Variants in ADAMTSL1 observed in about 807,000 individuals in gnomAD.
The protein encoded by ADAMTSL1 is ADAMTS like 1.
In ADAMTSL1, 126 loss-of-function variants were observed where a neutral mutation model predicts 201.8. The observed-to-expected ratio is 0.62, with a 90% confidence interval of 0.54 to 0.72. ADAMTSL1 has a LOEUF of 0.72. Among genes scored for constraint, ADAMTSL1 ranks in the 30% least tolerant of loss-of-function variants. The pLI, the probability that ADAMTSL1 is intolerant of heterozygous loss-of-function variation, is 0.00. For missense variants in ADAMTSL1, 2,679 were observed against 2,277.8 expected, an observed-to-expected ratio of 1.18 and a Z score of -3.59; for synonymous variants, 1,121 against 903.4, an observed-to-expected ratio of 1.24 and a Z score of -4.32.
intron 2 of ADAMTSL1, among the ~76,000 whole-genome samples, chr9:18,249,666 C>A (rs976033491): frequency 6.6e-6 from 1 of 152,148 alleles, no homozygotes; most frequent in Non-Finnish European, 1.5e-5. Flanking sequence ...ATTGCTAAGG[C>A]CCTGTGAATC....
chr9:18,328,822 G>C (rs1834925791), intron 2 of ADAMTSL1, among the ~76,000 whole-genome samples: 1 of 152,174 alleles, frequency 6.6e-6, no homozygotes, highest in Non-Finnish European at 1.5e-5. Flanking sequence ...ACTGACCCTG[G>C]AGGATACAGA....
chr9:18,817,006 G>T, intron 20 of ADAMTSL1, 103 bp from the exon 21 acceptor site: 1 of 1,439,114 alleles, frequency 6.9e-7, no homozygotes, highest in Non-Finnish European at 9.3e-7. Flanking sequence ...GCAAAAGTCT[G>T]GGTAGACCAG....
rs139250681 is a variant in ADAMTSL1 at position 17,909,851 on chromosome 9, G to A, written c.87+2929G>A. On this transcript the variant is annotated intron_variant, in intron 1 of 29. Coordinates refer to the ADAMTSL1 transcript ENST00000680146. The stretch of plus-strand genomic sequence containing the variant: ...TGTTGTGGGGTGGGGGGACCGGGGA[G>A]GGATAGCATTGGGAGATATACCTAA... 0.031 allele frequency among the ~76,000 whole-genome samples: 2,072 copies of A among 67,662 alleles called. 912 individuals are homozygous for A. In the East Asian group the frequency reaches 0.79, roughly 26 times the overall value. The allele number at this position is 67,662 out of a possible 152,430, so 44.4% of individuals were successfully genotyped here. A position where few individuals can be genotyped will look rare whatever the true frequency, so the allele number is the denominator to read the frequency against.
chr9:18,180,029 TA>T (rs1563789769), intron 2 of ADAMTSL1, among the ~76,000 whole-genome samples: 1 of 151,424 alleles, frequency 6.6e-6, no homozygotes, highest in Non-Finnish European at 1.5e-5. Flanking sequence ...ATAACAATAT[TA>T]ACTTTAAATA....
chr9:18,100,040 C>T (rs2131844585), intron 1 of ADAMTSL1, among the ~76,000 whole-genome samples: 1 of 152,224 alleles, frequency 6.6e-6, no homozygotes, highest in Middle Eastern at 3.4e-3. Flanking sequence ...GCAGTCACTT[C>T]ATTTCTGAGT....
intron 1 of ADAMTSL1, among the ~76,000 whole-genome samples, chr9:17,908,774 T>C (rs1397804657): frequency 6.6e-6 from 1 of 152,190 alleles, no homozygotes; most frequent in African/African-American, 2.4e-5. Context: ...ACTTGTTTTA[T>C]AGAATCATGG....
At chr9:17,945,536 A>T (rs1827425978) in intron 1 of ADAMTSL1, among the ~76,000 whole-genome samples, 1 of 152,026 alleles carries the variant, frequency 6.6e-6, no homozygotes, top group African/African-American at 2.4e-5. Context: ...TTGCGGCATT[A>T]TTCACAACAG....
chr9:18,423,628 G>A (rs1819063928), intron 2 of ADAMTSL1, among the ~76,000 whole-genome samples: 1 of 152,160 alleles, frequency 6.6e-6, no homozygotes, highest in Non-Finnish European at 1.5e-5. Flanking sequence ...GAAACATAAA[G>A]AAAGCAACAT....
intron 2 of ADAMTSL1, among the ~76,000 whole-genome samples, chr9:18,361,754 G>A (rs181515005): frequency 2.0e-5 from 3 of 152,290 alleles, no homozygotes; most frequent in Non-Finnish European, 2.9e-5. Flanking sequence ...AAAATCTCCG[G>A]AGACTTTGTA....
intron 1 of ADAMTSL1, among the ~76,000 whole-genome samples, chr9:17,986,854 C>G (rs949705109): frequency 2.0e-5 from 3 of 152,068 alleles, no homozygotes; most frequent in Non-Finnish European, 2.9e-5. Flanking sequence ...CTCCATTTGA[C>G]ACTAGCACAG....
At chr9:18,487,007 TGAAA>T (rs1326622446) in intron 1 of ADAMTSL1, among the ~76,000 whole-genome samples, 1 of 152,178 alleles carries the variant, frequency 6.6e-6, no homozygotes, top group Non-Finnish European at 1.5e-5. Flanking sequence ...AAGTTCCCTT[TGAAA>T]ACAGCTAAAA....
intron 2 of ADAMTSL1, among the ~76,000 whole-genome samples, chr9:18,298,123 A>C (rs781496794): frequency 2.0e-5 from 3 of 152,204 alleles, no homozygotes; most frequent in Non-Finnish European, 2.9e-5. Flanking sequence ...TTCCCGGAAA[A>C]GTAAAGAGAC....
chr9:17,915,209 C>T (rs1022900513), intron 1 of ADAMTSL1, among the ~76,000 whole-genome samples: 1 of 152,150 alleles, frequency 6.6e-6, no homozygotes, highest in Non-Finnish European at 1.5e-5. Context: ...CATCATCAGG[C>T]AAATAATGAT....
chr9:18,839,732 T>C (rs1424113077), intron 23 of ADAMTSL1, among the ~76,000 whole-genome samples: 2 of 152,104 alleles, frequency 1.3e-5, no homozygotes, highest in Non-Finnish European at 2.9e-5. Context: ...CATTACTAAC[T>C]GGTGTGAGGT....
At chr9:18,431,917 G>C (rs1450299640) in intron 2 of ADAMTSL1, among the ~76,000 whole-genome samples, 1 of 152,108 alleles carries the variant, frequency 6.6e-6, no homozygotes, top group Non-Finnish European at 1.5e-5. Context: ...TAGCATAAAA[G>C]TGTACAGTTT....
At chr9:18,307,289 A>G (rs764934811) in intron 2 of ADAMTSL1, among the ~76,000 whole-genome samples, 2 of 152,202 alleles carry the variant, frequency 1.3e-5, no homozygotes, top group Non-Finnish European at 2.9e-5. Context: ...TGCATCAACT[A>G]ACAGGCAAAA....
chr9:18,789,906 A>G (rs1481391524), intron 19 of ADAMTSL1, among the ~76,000 whole-genome samples: 1 of 152,202 alleles, frequency 6.6e-6, no homozygotes, highest in Non-Finnish European at 1.5e-5. Context: ...TACACCCACA[A>G]TTTCTAGCTT....
At chr9:18,292,251 G>C (rs1833302798) in intron 2 of ADAMTSL1, among the ~76,000 whole-genome samples, 1 of 152,076 alleles carries the variant, frequency 6.6e-6, no homozygotes, top group African/African-American at 2.4e-5. Context: ...ACAAAGTCCA[G>C]ATGATGGGCC....
At chr9:18,040,822 A>G (rs1412993266) in intron 1 of ADAMTSL1, among the ~76,000 whole-genome samples, 1 of 152,168 alleles carries the variant, frequency 6.6e-6, no homozygotes, top group Non-Finnish European at 1.5e-5. Flanking sequence ...TATAATTTCT[A>G]TTCATTTGTC....
Sources: allele counts gnomAD v4.1 joint callset (sites outside exome capture counted in the v4.1 genomes callset), GRCh38; gene constraint gnomAD v4.1.1; transcripts MANE v1.5; gene names NCBI Gene and HGNC (gene_info 2026-07-23, HGNC 2026-07-21).